The following TDRD9 variants were observed in gnomAD, a reference collection of about 807,000 sequenced individuals.
The protein encoded by TDRD9 is ATP-dependent RNA helicase TDRD9.
In TDRD9, 124 loss-of-function variants were observed where a neutral mutation model predicts 172.6. The observed-to-expected ratio is 0.72, with a 90% CI of 0.62 to 0.83. TDRD9 has a LOEUF of 0.83. TDRD9 is among the 40% of genes least tolerant of loss of function. TDRD9 has a pLI of 0.00. For missense variants in TDRD9, 1,479 were observed against 1,714.1 expected (o/e 0.86, Z 2.42); for synonymous variants, 619 against 617.1 (o/e 1.00, Z -0.05).
chr14:103,968,482 G>C (rs963554996), intron 5 of TDRD9, among the ~76,000 whole-genome samples: 3 of 152,102 alleles, frequency 2.0e-5, no homozygotes, highest in Admixed American at 6.6e-5. Flanking sequence ...AAACTTTCCA[G>C]CTCTTAAGGA....
chr14:104,046,619 A>G (rs1275727032), intron 34 of TDRD9, among the ~76,000 whole-genome samples: 1 of 151,948 alleles, frequency 6.6e-6, no homozygotes, highest in Non-Finnish European at 1.5e-5. Context: ...TAATTGCTGT[A>G]GCATTAGTCC....
At chr14:104,024,396 AGAAATTCATGTTTGAGAT>A (rs1327168002) in intron 24 of TDRD9, among the ~76,000 whole-genome samples, 155 bp from the exon 25 acceptor site, 1 of 152,226 alleles carries the variant, frequency 6.6e-6, no homozygotes, top group Non-Finnish European at 1.5e-5. Flanking sequence ...AAAAGCCAGC[AGAAATTCATGTTTGAGAT>A]GAAATCAAAT....
chr14:104,031,210 C>T lies in TDRD9; in HGVS notation c.3385C>T (p.Arg1129Trp), dbSNP rs1306280866. Residue 1129 changes from arginine to tryptophan, a missense_variant, in exon 29 of 36, where the codon CGG becomes TGG. Arg to Trp is a moderately radical substitution (Grantham distance 101). Coordinates refer to ENST00000409874, the MANE Select transcript of TDRD9 (RefSeq NM_153046.3). ...PMKDDEKYLI[R>W]ILLESFSTNK... is the part of the protein sequence containing the mutation. ...GAAAGACGACGAGAAATATCTCATCCGGATTTTGTTAGAGAGCTTTTCTAC... is the reference window on the plus strand; with the variant it reads ...GAAAGACGACGAGAAATATCTCATCTGGATTTTGTTAGAGAGCTTTTCTAC... 26 of 1,551,650 alleles carry T rather than the reference C, an allele frequency of 1.7e-5. No homozygotes were observed. Among genetic ancestry groups the T allele is most frequent in the South Asian group, 4.8e-5 (4 of 84,058 alleles).
chr14:104,027,662 T>C (rs1222586680), intron 28 of TDRD9, among the ~76,000 whole-genome samples: 1 of 152,328 alleles, frequency 6.6e-6, no homozygotes, highest in East Asian at 1.9e-4. Flanking sequence ...TGAGGGTAAT[T>C]AGCAAATCTG....
Position 104,042,068 on chromosome 14 carries a change from G to A in TDRD9, c.3856-1G>A. 6.3e-7 allele frequency: 1 copy of A among 1,582,204 alleles called. No homozygotes were observed. Among genetic ancestry groups the A allele is most frequent in the Non-Finnish European group, 8.7e-7 (1 of 1,151,142 alleles). On this transcript the variant is annotated splice_acceptor_variant, in intron 33 of 35. Coordinates refer to ENST00000409874, the MANE Select transcript of TDRD9 (RefSeq NM_153046.3). LOFTEE classifies it high-confidence loss of function. ...GTGTTTATGTTGCTGTTCATTTACAGGTTAATATTCTCAGGGCTGCTATTA... is the reference window on the plus strand; with the variant it reads ...GTGTTTATGTTGCTGTTCATTTACAAGTTAATATTCTCAGGGCTGCTATTA...
At chr14:104,035,901 GT>G (rs1341259415) in intron 32 of TDRD9, among the ~76,000 whole-genome samples, 1 of 152,124 alleles carries the variant, frequency 6.6e-6, no homozygotes, top group African/African-American at 2.4e-5. Flanking sequence ...GTCAAGGCAG[GT>G]GGAAGGGCCC....
At chr14:103,987,514 G>A (rs958762964) in intron 8 of TDRD9, among the ~76,000 whole-genome samples, 3 of 151,912 alleles carry the variant, frequency 2.0e-5, no homozygotes, top group Non-Finnish European at 2.9e-5. Context: ...TTGGCTTATT[G>A]GTTTTTAGGA....
chr14:104,049,718 C>T (rs1475125298), intron 35 of TDRD9, 38 bp downstream of exon 35: 11 of 1,523,646 alleles, frequency 7.2e-6, no homozygotes, highest in Middle Eastern at 2.1e-4. Flanking sequence ...GCAGAGGCCA[C>T]GTGGAGGAGG....
In TDRD9 at chr14:103,975,381, C is replaced by G; in HGVS notation, c.847-8C>G. On this transcript the variant is annotated splice_region_variant and splice_polypyrimidine_tract_variant and intron_variant, in intron 6 of 35. Coordinates refer to ENST00000409874, the MANE Select transcript of TDRD9 (RefSeq NM_153046.3). Reference sequence around the variant, plus strand: ...TGTTTTATTTGAATGTTTTCTCTTACTCTGTAGGTGGTCCTGATGTCGGCT... The same window carrying G: ...TGTTTTATTTGAATGTTTTCTCTTAGTCTGTAGGTGGTCCTGATGTCGGCT... 2 of 1,609,154 alleles carry G rather than the reference C, an allele frequency of 1.2e-6. No individual in the cohort carries two copies. Among genetic ancestry groups the G allele is most frequent in the South Asian group, 1.1e-5 (1 of 90,034 alleles).
intron 20 of TDRD9, among the ~76,000 whole-genome samples, chr14:104,012,164 G>A (rs1206312249): frequency 6.6e-6 from 1 of 152,180 alleles, no homozygotes; most frequent in Non-Finnish European, 1.5e-5. Flanking sequence ...CCCTCCAGAG[G>A]AAACTGTTAC....
In TDRD9 at chr14:104,052,240, T is replaced by C; in HGVS notation, c.*158T>C. 6.0e-6 allele frequency: 3 copies of C among 496,884 alleles called. No individual in the cohort carries two copies. The highest frequency in any genetic ancestry group is 1.1e-5 in the Non-Finnish European group (3 of 277,400). The allele number at this position is 496,884 out of a possible 1,614,324, so 30.8% of individuals were successfully genotyped here. A position where few individuals can be genotyped will look rare whatever the true frequency, so the allele number is the denominator to read the frequency against. On this transcript the variant is annotated 3_prime_UTR_variant, in exon 36 of 36. Coordinates refer to ENST00000409874, the MANE Select transcript of TDRD9 (RefSeq NM_153046.3). ...TCTTTCTTCTTTTCTCTTTGGGTGA[T>C]AGTCAGAGAGTGGTGTTTTTGTTCA... is the stretch of plus-strand genomic sequence containing the variant.
intron 9 of TDRD9, 23 bp from the exon 10 acceptor site, chr14:103,994,309 T>C: frequency 1.2e-6 from 2 of 1,606,090 alleles, no homozygotes; most frequent in South Asian, 2.2e-5. Context: ...TTTATTTCCC[T>C]CCTCCACTTT....
intron 9 of TDRD9, among the ~76,000 whole-genome samples, chr14:103,993,921 A>T (rs1036056769): frequency 6.6e-6 from 1 of 152,252 alleles, no homozygotes; most frequent in Non-Finnish European, 1.5e-5. Flanking sequence ...GCTTTCAGCA[A>T]ACAGGACGGA....
At position 103,928,458 on chromosome 14, in the gene TDRD9, T is replaced by TC; in HGVS notation, c.-49dup. ...AGGGTGCGCTTCCGCCGTCGCCTGT[T>TC]CCCGCCGCGGAGACCCGGCAGTTGG... On this transcript the variant is annotated 5_prime_UTR_variant, in exon 1 of 36. Coordinates refer to ENST00000409874, the MANE Select transcript of TDRD9 (RefSeq NM_153046.3). 7.1e-7 allele frequency: 1 copy of TC among 1,407,548 alleles called. No individual in the cohort carries two copies. The highest frequency in any genetic ancestry group is 9.3e-7 in the Non-Finnish European group (1 of 1,070,610). The allele number at this position is 1,407,548 out of a possible 1,614,324, so 87.2% of individuals were successfully genotyped here.
intron 8 of TDRD9, among the ~76,000 whole-genome samples, chr14:103,989,904 G>GTGGC (rs2033806698): frequency 6.6e-6 from 1 of 152,246 alleles, no homozygotes; most frequent in Admixed American, 6.5e-5. Flanking sequence ...CTTCTCCACT[G>GTGGC]TGGCTGCCTT....
chr14:103,998,122 G>A (rs1275023320), intron 12 of TDRD9, among the ~76,000 whole-genome samples: 4 of 151,856 alleles, frequency 2.6e-5, no homozygotes, highest in South Asian at 2.1e-4. Flanking sequence ...AGAGACACTC[G>A]GCAGCTTATC....
chr14:104,007,021 T>A (rs370574296), intron 18 of TDRD9, 139 bp from the exon 19 acceptor site: 1 of 1,006,756 alleles, frequency 9.9e-7, no homozygotes, highest in East Asian at 2.6e-5. Flanking sequence ...GAGGTGGAAG[T>A]CCAATTTTAT....
chr14:104,046,095 T>C (rs1166956595), intron 34 of TDRD9, among the ~76,000 whole-genome samples: 1 of 152,146 alleles, frequency 6.6e-6, no homozygotes, highest in Non-Finnish European at 1.5e-5. Context: ...TAGCTGGGAT[T>C]ACAGGCACAC....
intron 35 of TDRD9, 23 bp downstream of exon 35, chr14:104,049,703 C>T: frequency 6.4e-7 from 1 of 1,561,872 alleles, no homozygotes; most frequent in Non-Finnish European, 8.7e-7. Flanking sequence ...CAGGCTGCTA[C>T]ATGAGCAGAG....
Sources: allele counts gnomAD v4.1 joint callset (sites outside exome capture counted in the v4.1 genomes callset), GRCh38; gene constraint gnomAD v4.1.1; transcripts MANE v1.5; gene names NCBI Gene and HGNC (gene_info 2026-07-23, HGNC 2026-07-21).